The following PKHD1 variants were observed in gnomAD, a reference collection of about 807,000 sequenced individuals.
The protein encoded by PKHD1 is PKHD1 ciliary IPT domain containing fibrocystin/polyductin.
In PKHD1, 291 loss-of-function variants were observed where a neutral mutation model predicts 412.0. The observed-to-expected ratio is 0.71, with a 90% CI of 0.64 to 0.78. PKHD1 has a LOEUF of 0.78. Among genes scored for constraint, PKHD1 ranks in the 30% least tolerant of loss-of-function variants. The pLI, the probability that PKHD1 is intolerant of heterozygous loss-of-function variation, is 0.00. For missense variants in PKHD1, 4,825 were observed against 4,950.7 expected, an observed-to-expected ratio of 0.97 and a Z score of 0.76; for synonymous variants, 1,777 against 1,821.5, an observed-to-expected ratio of 0.98 and a Z score of 0.62.
intron 37 of PKHD1, among the ~76,000 whole-genome samples, chr6:51,925,332 G>T (rs1004354901): frequency 5.3e-5 from 8 of 152,286 alleles, no homozygotes; most frequent in African/African-American, 1.9e-4. Flanking sequence ...ATACGATACA[G>T]AGTCAGTTAT....
chr6:51,894,534 A>T (rs1779595717), intron 43 of PKHD1, among the ~76,000 whole-genome samples: 2 of 152,248 alleles, frequency 1.3e-5, no homozygotes, highest in African/African-American at 4.8e-5. Flanking sequence ...CTGCAAGCCC[A>T]GCTGAATTCC....
At chr6:51,799,954 CT>C (rs1439167939) in intron 52 of PKHD1, among the ~76,000 whole-genome samples, 2 of 152,300 alleles carry the variant, frequency 1.3e-5, no homozygotes, top group South Asian at 2.1e-4. Flanking sequence ...ATATTCCACC[CT>C]ATCCTGTCAG....
At chr6:51,722,071 A>C in intron 60 of PKHD1, 1 of 1,613,136 alleles carries the variant, frequency 6.2e-7, no homozygotes, top group Non-Finnish European at 8.5e-7. Context: ...CTCCAAAAAT[A>C]TGTCTCCACC....
At chr6:51,701,688 C>T (rs1387171836) in intron 60 of PKHD1, among the ~76,000 whole-genome samples, 1 of 151,916 alleles carries the variant, frequency 6.6e-6, no homozygotes, top group Non-Finnish European at 1.5e-5. Flanking sequence ...AGGTGAGACA[C>T]AGAATTCATG....
chr6:51,754,455 G>A (rs939875401), intron 56 of PKHD1, among the ~76,000 whole-genome samples: 1 of 152,120 alleles, frequency 6.6e-6, no homozygotes, highest in African/African-American at 2.4e-5. Flanking sequence ...GTGCCCATAA[G>A]TTTTATTCTG....
At chr6:52,030,395 C>T (rs1369782438) in intron 29 of PKHD1, among the ~76,000 whole-genome samples, 2 of 152,098 alleles carry the variant, frequency 1.3e-5, no homozygotes, top group Non-Finnish European at 1.5e-5. Context: ...CACAAAAAGG[C>T]CTTAATTAAC....
At chr6:52,070,145 G>T (rs559314828) in intron 10 of PKHD1, among the ~76,000 whole-genome samples, 31 of 152,200 alleles carry the variant, frequency 2.0e-4, no homozygotes, top group Non-Finnish European at 3.2e-4. Flanking sequence ...ACAGTACTTT[G>T]AAATTACTTA....
At chr6:51,964,090 T>C (rs1351495188) in intron 35 of PKHD1, among the ~76,000 whole-genome samples, 1 of 152,108 alleles carries the variant, frequency 6.6e-6, no homozygotes, top group Non-Finnish European at 1.5e-5. Context: ...CTGCCTCAGC[T>C]AGGAAGCTTA....
chr6:51,772,790 C>T lies in PKHD1; in HGVS notation c.8555-1G>A, dbSNP rs1191618494. The T allele has an allele frequency of 1.3e-6, 2 of 1,546,472 alleles. No homozygotes were observed. The highest frequency in any genetic ancestry group is 2.3e-5 in the East Asian group (1 of 44,430). On this transcript the variant is annotated splice_acceptor_variant, in intron 54 of 66. Coordinates refer to ENST00000371117, the MANE Select transcript of PKHD1 (RefSeq NM_138694.4). LOFTEE classifies it high-confidence loss of function. ...TAAAGATGAACTTTCCCATAAACCC[C>T]TGAAAATAAAAGGAGTAACAGTTGG...
At chr6:51,647,991 G>A in intron 63 of PKHD1, 40 bp downstream of exon 63, 1 of 1,103,076 alleles carries the variant, frequency 9.1e-7, no homozygotes, top group Non-Finnish European at 1.4e-6. Context: ...TGCAGATAAA[G>A]TGGTAACAGA....
chr6:51,705,991 T>C (rs1779973123), intron 60 of PKHD1, among the ~76,000 whole-genome samples: 1 of 152,114 alleles, frequency 6.6e-6, no homozygotes, highest in Non-Finnish European at 1.5e-5. Flanking sequence ...GGATGAAAAT[T>C]AAGTCTATTC....
intron 60 of PKHD1, chr6:51,740,006 A>C (rs1370330853): frequency 1.9e-6 from 1 of 518,866 alleles, no homozygotes; most frequent in African/African-American, 1.9e-5. Flanking sequence ...CATTAATTTC[A>C]ATGCTTTGTT....
intron 36 of PKHD1, among the ~76,000 whole-genome samples, chr6:51,955,059 G>A (rs182545891): frequency 6.6e-6 from 1 of 152,074 alleles, no homozygotes; most frequent in Non-Finnish European, 1.5e-5. Context: ...CAATGCCTAT[G>A]GCCATTGGGC....
At chr6:51,755,961 C>A (rs1266228548) in intron 55 of PKHD1, among the ~76,000 whole-genome samples, 1 of 151,300 alleles carries the variant, frequency 6.6e-6, no homozygotes, top group Non-Finnish European at 1.5e-5. Context: ...GTGTGTATTA[C>A]ACAGTATTCT....
chr6:52,022,256 A>G (rs1244473425), intron 33 of PKHD1, among the ~76,000 whole-genome samples: 1 of 152,226 alleles, frequency 6.6e-6, no homozygotes, highest in Non-Finnish European at 1.5e-5. Context: ...TTTACTGAAT[A>G]AGAAATAAGT....
intron 64 of PKHD1, 131 bp downstream of exon 64, chr6:51,638,718 T>A: frequency 8.6e-6 from 6 of 701,460 alleles, no homozygotes; most frequent in Non-Finnish European, 2.5e-6. Flanking sequence ...TACAGTCAAG[T>A]GAATTTATTT....
At chr6:51,720,610 C>T (rs1030097714) in intron 60 of PKHD1, among the ~76,000 whole-genome samples, 1 of 152,114 alleles carries the variant, frequency 6.6e-6, no homozygotes, top group Non-Finnish European at 1.5e-5. Context: ...CTCACATTGT[C>T]CCCACCACCA....
chr6:52,040,262 T>C (rs541151502), intron 27 of PKHD1, among the ~76,000 whole-genome samples: 9 of 152,314 alleles, frequency 5.9e-5, no homozygotes, highest in Non-Finnish European at 1.0e-4. Flanking sequence ...ATGGGAATTA[T>C]ATCTCAATTT....
intron 59 of PKHD1, among the ~76,000 whole-genome samples, 184 bp downstream of exon 59, chr6:51,746,537 A>G (rs573318830): frequency 6.6e-6 from 1 of 152,294 alleles, no homozygotes; most frequent in South Asian, 2.1e-4. Context: ...TTTAAAAATC[A>G]TATATCACAA....
Sources: allele counts gnomAD v4.1 joint callset (sites outside exome capture counted in the v4.1 genomes callset), GRCh38; gene constraint gnomAD v4.1.1; transcripts MANE v1.5; gene names NCBI Gene and HGNC (gene_info 2026-07-23, HGNC 2026-07-21).